Variants in PRELID2 observed in about 807,000 individuals in gnomAD.
The protein encoded by PRELID2 is PRELI domain containing 2.
A neutral mutation model predicts 28.4 loss-of-function variants in PRELID2; 25 were observed. That is an observed-to-expected ratio of 0.88 (90% CI 0.64 to 1.23). PRELID2 has a LOEUF of 1.23. Among genes scored for constraint, PRELID2 ranks in the 50% most tolerant of loss-of-function variants. The pLI is 0.00. For synonymous variants in PRELID2, 76 were observed against 71.6 expected, an observed-to-expected ratio of 1.06 and a Z score of -0.31; for missense variants, 201 against 214.4, an observed-to-expected ratio of 0.94 and a Z score of 0.39.
chr5:145,336,219 A>G, the PRELID2 span, among the ~76,000 whole-genome samples: 18 of 152,116 alleles, frequency 1.2e-4, no homozygotes, highest in East Asian at 3.1e-3. Flanking sequence ...CCCATTTTGT[A>G]GGTTGCCTGT....
the PRELID2 span, among the ~76,000 whole-genome samples, chr5:145,277,039 C>A: frequency 1.3e-5 from 2 of 151,984 alleles, no homozygotes; most frequent in African/African-American, 2.4e-5. Context: ...ATGAATGATG[C>A]CACAGAGTAG....
chr5:145,747,222 T>TA (rs1336603545), intron 1 of PRELID2, among the ~76,000 whole-genome samples: 170 of 103,980 alleles, frequency 1.6e-3, no homozygotes, highest in African/African-American at 3.8e-3. Context: ...AAAAACCCTC[T>TA]AAAAAAAAAA....
At chr5:145,762,577 A>G (rs1055356228) in intron 6 of PRELID2, among the ~76,000 whole-genome samples, 1 of 152,136 alleles carries the variant, frequency 6.6e-6, no homozygotes, top group African/African-American at 2.4e-5. Context: ...ATGGGTAACA[A>G]GACAATAGGT....
the PRELID2 span, among the ~76,000 whole-genome samples, chr5:145,327,034 T>C: frequency 3.3e-5 from 5 of 151,980 alleles, no homozygotes. Flanking sequence ...AATGTTGAAA[T>C]TCTAAAGTCT....
At chr5:145,383,590 CA>C in the PRELID2 span, among the ~76,000 whole-genome samples, 2 of 143,542 alleles carry the variant, frequency 1.4e-5, no homozygotes, top group Admixed American at 7.0e-5. Flanking sequence ...ATCTTTTTAA[CA>C]AATGATGTGA....
the PRELID2 span, among the ~76,000 whole-genome samples, chr5:145,425,007 A>T: frequency 6.6e-6 from 1 of 152,210 alleles, no homozygotes; most frequent in Non-Finnish European, 1.5e-5. Context: ...AAACTTTTGC[A>T]ATCTATCCAT....
the PRELID2 span, among the ~76,000 whole-genome samples, chr5:145,344,946 A>G: frequency 6.6e-6 from 1 of 152,070 alleles, no homozygotes; most frequent in Non-Finnish European, 1.5e-5. Flanking sequence ...TGTGCTGTGC[A>G]ATTCCAAATC....
At chr5:145,418,732 AT>A in the PRELID2 span, among the ~76,000 whole-genome samples, 62,339 of 151,450 alleles carry the variant, frequency 0.41, 13,187 homozygotes, top group Admixed American at 0.49. Context: ...CCATATACAA[AT>A]TTTTTTTTAT....
chr5:145,385,769 T>C, the PRELID2 span, among the ~76,000 whole-genome samples: 1 of 152,220 alleles, frequency 6.6e-6, no homozygotes, highest in South Asian at 2.1e-4. Flanking sequence ...ATTTAGATCA[T>C]AAATGACATT....
At chr5:145,458,471 G>GT in the PRELID2 span, among the ~76,000 whole-genome samples, 90 of 152,248 alleles carry the variant, frequency 5.9e-4, 3 homozygotes, top group East Asian at 0.017. Flanking sequence ...CTTAGTAGTG[G>GT]TTTTCGACTG....
intron 1 of PRELID2, among the ~76,000 whole-genome samples, chr5:145,537,691 T>C (rs559232389): frequency 6.6e-6 from 1 of 152,062 alleles, no homozygotes; most frequent in African/African-American, 2.4e-5. Flanking sequence ...TTGTTTTGTT[T>C]TACTGTTGAG....
intron 1 of PRELID2, among the ~76,000 whole-genome samples, chr5:145,553,848 T>G (rs899610636): frequency 6.6e-6 from 1 of 152,150 alleles, no homozygotes; most frequent in Non-Finnish European, 1.5e-5. Flanking sequence ...GAAACTGGAA[T>G]ATTACAACAG....
chr5:145,568,526 T>C (rs1752988132), intron 1 of PRELID2, among the ~76,000 whole-genome samples: 1 of 152,240 alleles, frequency 6.6e-6, no homozygotes, highest in Non-Finnish European at 1.5e-5. Context: ...TATATTATGA[T>C]AATGGTTTTA....
At chr5:145,451,533 C>T in the PRELID2 span, among the ~76,000 whole-genome samples, 2 of 152,104 alleles carry the variant, frequency 1.3e-5, no homozygotes, top group East Asian at 3.9e-4. Context: ...GAGATCGCGC[C>T]CTACCTCTCC....
chr5:145,556,429 T>A (rs1752880774), intron 1 of PRELID2, among the ~76,000 whole-genome samples: 1 of 152,084 alleles, frequency 6.6e-6, no homozygotes, highest in Non-Finnish European at 1.5e-5. Context: ...CACCAAAAAT[T>A]ACTGATTTCA....
At chr5:145,413,814 C>G in the PRELID2 span, among the ~76,000 whole-genome samples, 1 of 152,020 alleles carries the variant, frequency 6.6e-6, no homozygotes, top group Non-Finnish European at 1.5e-5. Context: ...TTCTGTTTTA[C>G]TTCTGTTTTA....
At chr5:145,827,503 A>C (rs1267848689) in intron 1 of PRELID2, among the ~76,000 whole-genome samples, 1 of 152,210 alleles carries the variant, frequency 6.6e-6, no homozygotes, top group Non-Finnish European at 1.5e-5. Context: ...GGTCGGGGTG[A>C]TGAACCACCA....
At chr5:145,287,211 GT>G in the PRELID2 span, among the ~76,000 whole-genome samples, 27 of 151,864 alleles carry the variant, frequency 1.8e-4, no homozygotes, top group African/African-American at 6.0e-4. Flanking sequence ...TATATACTAT[GT>G]TTTTTTCCTA....
chr5:145,281,772 C>T, the PRELID2 span, among the ~76,000 whole-genome samples: 5 of 152,144 alleles, frequency 3.3e-5, no homozygotes, highest in East Asian at 5.8e-4. Flanking sequence ...ACGATCAATA[C>T]AGTAGAATAA....
Sources: gnomAD v4.1 joint callset for allele counts (sites outside exome capture counted in the v4.1 genomes callset) on GRCh38, gnomAD v4.1.1 for gene constraint, MANE v1.5 for transcripts, NCBI Gene and HGNC (gene_info 2026-07-23, HGNC 2026-07-21) for gene names.